Variants in RNF34 observed in about 807,000 individuals in gnomAD.
RNF34 encodes the protein E3 ubiquitin-protein ligase RNF34.
In RNF34, 12 loss-of-function variants were observed where a neutral mutation model predicts 37.9. That is an observed-to-expected ratio of 0.32 (90% CI 0.20 to 0.51). The LOEUF is 0.51. Ranked by LOEUF, RNF34 falls within the 20% of genes least tolerant of loss-of-function variation. The pLI is 0.97. For synonymous variants in RNF34, 155 were observed against 177.2 expected (o/e 0.87, Z 1.00); for missense variants, 362 against 472.7 (o/e 0.77, Z 2.17).
At chr12:121,408,910 C>T (rs1312488387) in intron 1 of RNF34, among the ~76,000 whole-genome samples, 1 of 151,714 alleles carries the variant, frequency 6.6e-6, no homozygotes, top group East Asian at 1.9e-4. Context: ...AAGTTACAGG[C>T]CAATCTGTGG....
intron 5 of RNF34, among the ~76,000 whole-genome samples, chr12:121,422,763 C>T (rs781878227): frequency 6.6e-6 from 1 of 152,178 alleles, no homozygotes; most frequent in Non-Finnish European, 1.5e-5. Flanking sequence ...TTCTTATTCA[C>T]AGACTGGATT....
In RNF34 at chr12:121,420,754, G is replaced by C; in HGVS notation, c.904G>C (p.Glu302Gln). 6.2e-7 allele frequency: 1 copy of C among 1,613,724 alleles called. No homozygotes were observed. Among genetic ancestry groups the C allele is most frequent in the Non-Finnish European group, 8.5e-7 (1 of 1,179,620 alleles). The change falls in exon 5 of 6, where the codon GAG (glutamate) becomes CAG (glutamine). Residue 302 changes from glutamate to glutamine, a missense_variant. By Grantham distance (29) the Glu-to-Gln change is conservative. Transcript: ENST00000361234. ...AGAGAAAGTAAACCGGTTATACAAA[G>C]AGAATGAAGAAAACCAAAAGTCCTG... ...LVEKVNRLYK[E>Q]NEENQKSYGE...
intron 1 of RNF34, among the ~76,000 whole-genome samples, chr12:121,400,573 G>C (rs918862885): frequency 1.3e-5 from 2 of 152,218 alleles, no homozygotes; most frequent in Non-Finnish European, 1.5e-5. Context: ...CTTGGCGCGC[G>C]GCGTGCCCTT....
At chr12:121,416,089 A>G (rs568859609) in intron 1 of RNF34, 70 bp from the exon 2 acceptor site, 284 of 1,276,104 alleles carry the variant, frequency 2.2e-4, no homozygotes, top group Admixed American at 5.2e-4. Context: ...CCAGAATAGC[A>G]TTCCCTGAGG....
intron 1 of RNF34, among the ~76,000 whole-genome samples, chr12:121,414,838 A>G (rs1215931760): frequency 2.6e-5 from 4 of 152,220 alleles, no homozygotes; most frequent in Non-Finnish European, 5.9e-5. Flanking sequence ...TCATGCCTGT[A>G]ATCCCAGCAC....
Position 121,400,184 on chromosome 12 carries a change from G to C in RNF34, c.-29G>C. On this transcript the variant is annotated 5_prime_UTR_variant, in exon 1 of 6. Transcript: ENST00000361234. ...TGCTATGGTGCTGAGTTTCCTGGTA[G>C]AGCCGGCCGAGCTGAGGCGGTCGCG... 2 of 1,607,046 alleles carry C rather than the reference G, an allele frequency of 1.2e-6. No individual in the cohort carries two copies. Among genetic ancestry groups the C allele is most frequent in the African/African-American group, 1.3e-5 (1 of 74,948 alleles).
chr12:121,420,274 AGATGATGATGACGAC>A lies in RNF34; in HGVS notation c.675_689del (p.Asp225_Asp229del). ...GTGAAATCACTTCAGCAAACACAGA[AGATGATGATGACGAC>A]GATGATGAGGATGATGATGATGAAG... On this transcript the variant is annotated inframe_deletion, in exon 4 of 6. Transcript: ENST00000361234. 6.2e-7 allele frequency: 1 copy of A among 1,604,368 alleles called. No individual in the cohort carries two copies. The highest frequency in any genetic ancestry group is 8.5e-7 in the Non-Finnish European group (1 of 1,173,894).
At chr12:121,402,642 T>C (rs1189572953) in intron 1 of RNF34, 5 of 656,100 alleles carry the variant, frequency 7.6e-6, no homozygotes, top group Non-Finnish European at 1.3e-5. Flanking sequence ...GATCTCACCA[T>C]TAATTGTGCT....
At chr12:121,410,796 C>G (rs1870987171) in intron 1 of RNF34, among the ~76,000 whole-genome samples, 1 of 152,130 alleles carries the variant, frequency 6.6e-6, no homozygotes. Flanking sequence ...AGGCTGCAAC[C>G]TAAATTTTTC....
At position 121,420,295 on chromosome 12, in the gene RNF34, T is replaced by C. The variant is rs781893046; in HGVS notation, c.687T>C (p.Asp229=). ...ANTEDDDDDD[D]EDDDDEEENA... ...CAGAAGATGATGATGACGACGATGA[T>C]GAGGATGATGATGATGAAGAAGAAA... The change falls in exon 4 of 6, where the codon GAT becomes GAC. Residue 229 remains aspartate (D), a synonymous_variant. Transcript: ENST00000361234. The C allele has an allele frequency of 3.1e-6, 5 of 1,588,266 alleles. No homozygotes were observed. Among genetic ancestry groups the C allele is most frequent in the Non-Finnish European group, 3.4e-6 (4 of 1,165,422 alleles).
intron 5 of RNF34, 125 bp downstream of exon 5, chr12:121,420,903 CAGTT>C (rs532770475): frequency 1.4e-4 from 93 of 687,610 alleles, no homozygotes; most frequent in African/African-American, 1.2e-3. Flanking sequence ...TACTGAGTAT[CAGTT>C]AGTTACATGA....
At chr12:121,404,387 CTTTTTTTTTT>C (rs782225104) in intron 1 of RNF34, among the ~76,000 whole-genome samples, 1 of 65,824 alleles carries the variant, frequency 1.5e-5, no homozygotes, top group Non-Finnish European at 2.4e-5. Context: ...GTCATTTAAT[CTTTTTTTTTT>C]TTTTTTTTTT....
At chr12:121,401,241 T>C (rs1468756321) in intron 1 of RNF34, among the ~76,000 whole-genome samples, 6 of 150,492 alleles carry the variant, frequency 4.0e-5, no homozygotes, top group African/African-American at 1.5e-4. Flanking sequence ...GAGGGAGACA[T>C]GGTGAAGAGA....
rs144605495 is a variant in RNF34, at chr12:121,400,725, G to A, written c.6+507G>A. Among the ~76,000 whole-genome samples, 637 of 152,316 alleles carry A rather than the reference G, an allele frequency of 4.2e-3. 17 individuals are homozygous for A. The highest frequency in any genetic ancestry group is 0.036 in the Admixed American group (552 of 15,304). Reference sequence around the variant, plus strand: ...CAGGGTGGGGATGCCACCCGGAAGGGGTGCTTCGTAGGCTGCACGTCGGGG... The same window carrying A: ...CAGGGTGGGGATGCCACCCGGAAGGAGTGCTTCGTAGGCTGCACGTCGGGG... On this transcript the variant is annotated intron_variant, in intron 1 of 5. Coordinates refer to ENST00000361234, the MANE Select transcript of RNF34 (RefSeq NM_025126.4).
At chr12:121,410,320 C>T (rs1371979215) in intron 1 of RNF34, among the ~76,000 whole-genome samples, 2 of 151,526 alleles carry the variant, frequency 1.3e-5, no homozygotes, top group African/African-American at 4.8e-5. Context: ...AGGCGGATTA[C>T]GAGGTCAGGA....
At position 121,420,234 on chromosome 12, in the gene RNF34, A is replaced by T; in HGVS notation, c.634-8A>T. ...CCTGACCTAATCAGATACGTTGTAT[A>T]AGTGTAGGTACAAAGTGAAATCACT... On this transcript the variant is annotated splice_region_variant and splice_polypyrimidine_tract_variant and intron_variant, in intron 3 of 5. Coordinates refer to ENST00000361234, the MANE Select transcript of RNF34 (RefSeq NM_025126.4). The T allele has an allele frequency of 6.2e-7, 1 of 1,608,474 alleles. No homozygotes were observed. The highest frequency in any genetic ancestry group is 2.2e-5 in the East Asian group (1 of 44,804).
At chr12:121,411,637 G>A (rs1034785037) in intron 1 of RNF34, among the ~76,000 whole-genome samples, 3 of 152,162 alleles carry the variant, frequency 2.0e-5, no homozygotes, top group Non-Finnish European at 2.9e-5. Flanking sequence ...TTTCTAAATA[G>A]CATGTAAAAT....
intron 3 of RNF34, chr12:121,418,526 A>T (rs1251629267): frequency 6.6e-6 from 1 of 152,322 alleles, no homozygotes; most frequent in African/African-American, 2.4e-5. Flanking sequence ...AAATTTTTTC[A>T]CGCTTAATTT....
At chr12:121,411,645 A>G (rs1233713647) in intron 1 of RNF34, among the ~76,000 whole-genome samples, 1 of 152,136 alleles carries the variant, frequency 6.6e-6, no homozygotes, top group Non-Finnish European at 1.5e-5. Context: ...TAGCATGTAA[A>G]ATTTTATAAT....
Sources: gnomAD v4.1 joint callset for allele counts (sites outside exome capture counted in the v4.1 genomes callset) on GRCh38, gnomAD v4.1.1 for gene constraint, MANE v1.5 for transcripts, NCBI Gene and HGNC (gene_info 2026-07-23, HGNC 2026-07-21) for gene names.